FH: variants seen among roughly 807,000 people sequenced by gnomAD.
FH encodes fumarate hydratase, mitochondrial.
FH carries 22 observed loss-of-function variants against 49.4 expected under a neutral mutation model. That is an observed-to-expected ratio of 0.45 (90% CI 0.32 to 0.64). The LOEUF is 0.64. Ranked by LOEUF, FH falls within the 30% of genes least tolerant of loss-of-function variation. The pLI is 0.05. For missense variants in FH, 526 were observed against 641.5 expected (o/e 0.82, Z 1.95); for synonymous variants, 208 against 223.0 (o/e 0.93, Z 0.60).
chr1:241,512,912 T>G lies in FH; in HGVS notation c.378+691A>C, dbSNP rs773714051. Among the ~76,000 whole-genome samples, 34 of 83,332 alleles carry G rather than the reference T, an allele frequency of 4.1e-4. 1 individual carries two copies. The highest frequency in any genetic ancestry group is 6.1e-3 in the Middle Eastern group (1 of 164). The allele number at this position is 83,332 out of a possible 152,430, so 54.7% of individuals were successfully genotyped here. On this transcript the variant is annotated intron_variant, in intron 3 of 9. Transcript: ENST00000366560. The stretch of plus-strand genomic sequence containing the variant: ...CAGTCTCTATCTCATGCAATGAGGG[T>G]GTGTGTGTGTGTGTGTGTGTGTGTG...
rs1573885528 is a variant in FH, at chr1:241,512,106, A to C, written c.416T>G (p.Val139Gly). Residue 139 changes from valine to glycine, a missense_variant, in exon 4 of 10, where the codon GTG becomes GGG. Val to Gly is a moderately radical substitution (Grantham distance 109). Coordinates refer to ENST00000366560, the MANE Select transcript of FH (RefSeq NM_000143.4). The part of the protein sequence containing the change: ...EGKLNDHFPL[V>G]VWQTGSGTQT... The stretch of plus-strand genomic sequence containing the variant: ...AGTTCCTGATCCAGTCTGCCATACC[A>C]CGAGAGGAAAATGATCATTTAATTT... 1.2e-6 allele frequency: 2 copies of C among 1,613,910 alleles called. No individual in the cohort carries two copies. The highest frequency in any genetic ancestry group is 1.7e-6 in the Non-Finnish European group (2 of 1,179,860).
intron 4 of FH, chr1:241,511,734 T>TA (rs1392343452): frequency 2.0e-6 from 1 of 498,636 alleles, no homozygotes; most frequent in African/African-American, 1.9e-5. Context: ...TATTTCAAAA[T>TA]AGAGTTTTAA....
At chr1:241,506,484 T>C (rs1285293289) in intron 5 of FH, among the ~76,000 whole-genome samples, 1 of 152,166 alleles carries the variant, frequency 6.6e-6, no homozygotes, top group Non-Finnish European at 1.5e-5. Flanking sequence ...TACACTAAAT[T>C]ATTGGTTTAC....
chr1:241,500,236 T>C (rs766314340), intron 9 of FH, among the ~76,000 whole-genome samples: 11 of 152,250 alleles, frequency 7.2e-5, no homozygotes, highest in African/African-American at 1.9e-4. Flanking sequence ...TGAGGCATAA[T>C]AGATCTAGTT....
At chr1:241,507,878 C>A (rs145501575) in intron 5 of FH, among the ~76,000 whole-genome samples, 1 of 152,140 alleles carries the variant, frequency 6.6e-6, no homozygotes. Flanking sequence ...AATTAAGCTA[C>A]CCCAATTGGA....
chr1:241,497,894 A>C lies in FH; in HGVS notation c.1467T>G (p.Leu489=). 1 of 1,613,568 alleles carries C rather than the reference A, an allele frequency of 6.2e-7. No homozygotes were observed. The highest frequency in any genetic ancestry group is 8.5e-7 in the Non-Finnish European group (1 of 1,179,934). The part of the protein sequence containing the change: ...GSTLKETAIE[L]GYLTAEQFDE... ...CAAACTGCTCTGCTGTGAGATAGCC[A>C]AGTTCGATAGCAGTTTCCTTTAAGG... Residue 489 remains leucine (L), a synonymous_variant, in exon 10 of 10, where the codon CTT becomes CTG. Coordinates refer to ENST00000366560, the MANE Select transcript of FH (RefSeq NM_000143.4).
intron 2 of FH, 28 bp from the exon 3 acceptor site, chr1:241,513,741 A>T: frequency 1.2e-5 from 19 of 1,575,324 alleles, no homozygotes; most frequent in Non-Finnish European, 1.7e-5. Flanking sequence ...AATATTTCAA[A>T]TTTACAATTT....
rs2147923073 is a variant in FH, at chr1:241,513,691, C to A, written c.290G>T (p.Gly97Val). The change falls in exon 3 of 10, where the codon GGC becomes GTC. Residue 97 changes from glycine (G) to valine (V), a missense_variant. Around this residue, in one of 2 missense-constraint regions of FH, gnomAD observed 383 missense variants for 514.0 expected, o/e 0.75. Transcript: ENST00000366560. ...TTCAGCGGCCGCTCGCTTCAAGATG[C>A]CAAAAGCTTTAATAACTGGGGTCTA... ...RMPTPVIKAF[G>V]ILKRAAAEVN... The A allele has an allele frequency of 6.2e-7, 1 of 1,613,946 alleles. No homozygotes were observed. The highest frequency in any genetic ancestry group is 8.5e-7 in the Non-Finnish European group (1 of 1,179,910).
At position 241,500,461 on chromosome 1, in the gene FH, C is replaced by G. The variant is rs200244096; in HGVS notation, c.1366G>C (p.Val456Leu). 12 of 1,614,014 alleles carry G rather than the reference C, an allele frequency of 7.4e-6. No individual in the cohort carries two copies. The highest frequency in any genetic ancestry group is 1.0e-5 in the Non-Finnish European group (12 of 1,179,960). ...NKLMNESLML[V>L]TALNPHIGYD... ...CCTATATGAGGATTGAGAGCTGTCA[C>G]CAACATTAGAGACTCATTCATCAGC... The change falls in exon 9 of 10, where the codon GTG becomes CTG. Residue 456 changes from valine to leucine, a missense_variant. Around this residue, in one of 2 missense-constraint regions of FH, gnomAD observed 383 missense variants for 514.0 expected, o/e 0.75. Coordinates refer to ENST00000366560, the MANE Select transcript of FH (RefSeq NM_000143.4).
chr1:241,515,415 C>G (rs1660189251), intron 2 of FH, among the ~76,000 whole-genome samples: 1 of 152,124 alleles, frequency 6.6e-6, no homozygotes, highest in African/African-American at 2.4e-5. Flanking sequence ...CCTCCTTAGT[C>G]TCTGGAGTTG....
At chr1:241,505,108 G>C (rs764990282) in intron 6 of FH, among the ~76,000 whole-genome samples, 1 of 151,602 alleles carries the variant, frequency 6.6e-6, no homozygotes. Context: ...ACAGGGTTTC[G>C]CCATGTTGAC....
At chr1:241,518,361 C>T (rs1166841218) in intron 1 of FH, among the ~76,000 whole-genome samples, 3 of 152,206 alleles carry the variant, frequency 2.0e-5, no homozygotes, top group Non-Finnish European at 2.9e-5. Context: ...GTCTGCTTCC[C>T]TTTACAAAAC....
chr1:241,498,735 ATATATATG>A (rs1341772377), intron 9 of FH, among the ~76,000 whole-genome samples: 4 of 111,740 alleles, frequency 3.6e-5, no homozygotes, highest in African/African-American at 1.4e-4. Context: ...ATATATATAT[ATATATATG>A]TCAAGAAGAA....
chr1:241,517,131 A>C, intron 2 of FH, 51 bp downstream of exon 2: 1 of 1,610,938 alleles, frequency 6.2e-7, no homozygotes, highest in Non-Finnish European at 8.5e-7. Flanking sequence ...TGACTCATGA[A>C]TACAGCCTAC....
chr1:241,501,390 A>T (rs745689354), intron 8 of FH, among the ~76,000 whole-genome samples: 1 of 152,170 alleles, frequency 6.6e-6, no homozygotes, highest in Non-Finnish European at 1.5e-5. Flanking sequence ...AAGATTAACA[A>T]GGCATTTATT....
intron 9 of FH, among the ~76,000 whole-genome samples, chr1:241,499,212 G>A (rs901089905): frequency 8.5e-5 from 13 of 152,086 alleles, no homozygotes; most frequent in African/African-American, 3.1e-4. Context: ...GGGTTGTAAG[G>A]CTCACACCAA....
chr1:241,511,070 G>C (rs909933694), intron 4 of FH, among the ~76,000 whole-genome samples: 1 of 152,186 alleles, frequency 6.6e-6, no homozygotes, highest in Non-Finnish European at 1.5e-5. Context: ...CCTGACCACT[G>C]CTTTCAAAGT....
intron 9 of FH, 40 bp from the exon 10 acceptor site, chr1:241,498,010 G>A: frequency 1.2e-6 from 2 of 1,610,622 alleles, no homozygotes; most frequent in Non-Finnish European, 1.7e-6. Flanking sequence ...GGTTAGCAGT[G>A]ATATTTGGTT....
chr1:241,498,712 TA>T lies in FH; in HGVS notation c.1391-743del, dbSNP rs1350357165. On this transcript the variant is annotated intron_variant, in intron 9 of 9. Transcript: ENST00000366560. ...GTCTTAACATATATATATATATATATATATATATATATATATATATATATAT... is the reference window on the plus strand; with the variant it reads ...GTCTTAACATATATATATATATATATTATATATATATATATATATATATAT... Among the ~76,000 whole-genome samples the T allele has an allele frequency of 1.4e-4, 11 of 76,008 alleles. 2 individuals are homozygous for T. The highest frequency in any genetic ancestry group is 6.7e-4 in the African/African-American group (11 of 16,404). 49.9% of individuals were successfully genotyped at this position (76,008 alleles called of 152,430 possible). A position where few individuals can be genotyped will look rare whatever the true frequency, so the allele number is the denominator to read the frequency against.
Sources: gnomAD v4.1 joint callset for allele counts (sites outside exome capture counted in the v4.1 genomes callset) on GRCh38, gnomAD v4.1.1 for gene constraint, gnomAD v4.1.1 regional missense constraint, MANE v1.5 for transcripts, NCBI Gene and HGNC (gene_info 2026-07-23, HGNC 2026-07-21) for gene names.